TMEM117: variants seen among roughly 807,000 people sequenced by gnomAD.
TMEM117 encodes the protein transmembrane protein 117.
Under a neutral mutation model 52.4 loss-of-function variants are expected in TMEM117, and 27 were observed. The ratio of observed to expected loss-of-function variants is 0.51; its 90% confidence interval spans 0.38 to 0.71. The LOEUF is 0.71. Among genes scored for constraint, TMEM117 ranks in the 30% least tolerant of loss-of-function variants. The pLI, the probability that TMEM117 is intolerant of heterozygous loss-of-function variation, is 0.00. For synonymous variants in TMEM117, 215 were observed against 206.3 expected, an observed-to-expected ratio of 1.04 and a Z score of -0.36; for missense variants, 556 against 630.5, an observed-to-expected ratio of 0.88 and a Z score of 1.26.
At chr12:44,367,975 C>G (rs1039121987) in intron 6 of TMEM117, among the ~76,000 whole-genome samples, 2 of 152,110 alleles carry the variant, frequency 1.3e-5, no homozygotes, top group African/African-American at 4.8e-5. Context: ...TTTACCCCTC[C>G]TACAGTCAGT....
chr12:43,915,329 C>T (rs746417357), intron 2 of TMEM117, among the ~76,000 whole-genome samples: 45 of 152,254 alleles, frequency 3.0e-4, no homozygotes, highest in Admixed American at 2.7e-3. Flanking sequence ...AGGGGCAGAC[C>T]GAAGTTAACC....
intron 3 of TMEM117, among the ~76,000 whole-genome samples, chr12:44,074,936 A>G (rs555178189): frequency 2.4e-4 from 37 of 152,192 alleles, no homozygotes; most frequent in Non-Finnish European, 4.6e-4. Flanking sequence ...ACACTAATGC[A>G]TTAGTGTAAC....
the TMEM117 span, among the ~76,000 whole-genome samples, chr12:43,799,935 CA>C: frequency 6.6e-6 from 1 of 151,598 alleles, no homozygotes; most frequent in Admixed American, 6.6e-5. Flanking sequence ...GTTTTCATGT[CA>C]AAAGAAAAAA....
intron 5 of TMEM117, among the ~76,000 whole-genome samples, chr12:44,276,532 G>T (rs75159745): frequency 0.011 from 1,663 of 152,126 alleles, 35 homozygotes; most frequent in African/African-American, 0.037. Context: ...AAAAGTTTCA[G>T]TTAGGCAGGA....
chr12:43,910,594 C>T (rs149139340), intron 2 of TMEM117, among the ~76,000 whole-genome samples: 8,154 of 151,888 alleles, frequency 0.054, 239 homozygotes, highest in South Asian at 0.071. Flanking sequence ...ATCTAGAAAA[C>T]CCCGTTGTCT....
At chr12:43,929,175 T>C (rs11830410) in intron 2 of TMEM117, among the ~76,000 whole-genome samples, 7,701 of 152,110 alleles carry the variant, frequency 0.051, 209 homozygotes, top group African/African-American at 0.065. Flanking sequence ...GCCACACTGA[T>C]TTCCACAATG....
At chr12:43,899,447 C>A (rs886325927) in intron 2 of TMEM117, among the ~76,000 whole-genome samples, 24 of 152,078 alleles carry the variant, frequency 1.6e-4, no homozygotes, top group Non-Finnish European at 2.9e-5. Flanking sequence ...ATTGGTAGTT[C>A]ATATATTCAT....
chr12:43,986,810 G>C (rs986801271), intron 3 of TMEM117, among the ~76,000 whole-genome samples: 5 of 151,934 alleles, frequency 3.3e-5, no homozygotes, highest in Non-Finnish European at 7.4e-5. Flanking sequence ...GTTATCCACA[G>C]GTGTTTTCCA....
intron 5 of TMEM117, among the ~76,000 whole-genome samples, chr12:44,299,048 ATTG>A (rs2138639208): frequency 6.7e-6 from 1 of 149,192 alleles, no homozygotes; most frequent in East Asian, 2.0e-4. Context: ...CATTTTTAAT[ATTG>A]TTGTTGTTAA....
At chr12:44,176,571 T>A (rs1949119183) in intron 4 of TMEM117, among the ~76,000 whole-genome samples, 1 of 152,142 alleles carries the variant, frequency 6.6e-6, no homozygotes, top group African/African-American at 2.4e-5. Context: ...AGATAACTAT[T>A]TTTTTGCCTT....
At chr12:43,854,719 C>A (rs1423458700) in intron 2 of TMEM117, among the ~76,000 whole-genome samples, 1 of 152,046 alleles carries the variant, frequency 6.6e-6, no homozygotes, top group Non-Finnish European at 1.5e-5. Context: ...TCACTGCAAC[C>A]TCTGCCTCTC....
At chr12:44,347,370 T>A (rs1276970213) in intron 6 of TMEM117, among the ~76,000 whole-genome samples, 1 of 152,078 alleles carries the variant, frequency 6.6e-6, no homozygotes, top group Non-Finnish European at 1.5e-5. Context: ...CCAAGAATGC[T>A]CTAGGGTTGA....
In TMEM117 at chr12:44,263,078, T is replaced by C. The variant is rs1950338682; in HGVS notation, c.609-36502T>C. ...CTTTTGCTATGTCACAGACAGGCAA[T>C]GACATTTATAAGTTAACACTTTAAA... On this transcript the variant is annotated intron_variant, in intron 5 of 7. Coordinates refer to ENST00000266534, the MANE Select transcript of TMEM117 (RefSeq NM_032256.3). Among the ~76,000 whole-genome samples the C allele has an allele frequency of 2.6e-5, 4 of 152,360 alleles. No homozygotes were observed. In the South Asian group the frequency reaches 8.3e-4, roughly 32 times the overall value.
chr12:44,173,357 G>A (rs565387866), intron 4 of TMEM117, among the ~76,000 whole-genome samples: 7 of 152,046 alleles, frequency 4.6e-5, no homozygotes, highest in Non-Finnish European at 7.4e-5. Flanking sequence ...AATTATAGAC[G>A]TGAGCCACCA....
At chr12:43,838,561 A>C (rs1247144605) in intron 1 of TMEM117, among the ~76,000 whole-genome samples, 11 of 116,966 alleles carry the variant, frequency 9.4e-5, no homozygotes, top group Admixed American at 1.9e-4. Flanking sequence ...TTTTTCCCTC[A>C]CCCAGGCTGG....
intron 6 of TMEM117, among the ~76,000 whole-genome samples, chr12:44,347,586 T>G (rs759382283): frequency 3.9e-5 from 6 of 152,038 alleles, no homozygotes; most frequent in Non-Finnish European, 8.8e-5. Flanking sequence ...TTTATGAATT[T>G]TCTTATATCT....
intron 3 of TMEM117, among the ~76,000 whole-genome samples, chr12:44,096,041 A>G (rs921081481): frequency 1.3e-5 from 2 of 152,150 alleles, no homozygotes; most frequent in African/African-American, 2.4e-5. Context: ...AAATCAATGT[A>G]CAAAAATCAC....
intron 3 of TMEM117, among the ~76,000 whole-genome samples, chr12:44,035,541 TG>T (rs1946697596): frequency 6.6e-6 from 1 of 152,176 alleles, no homozygotes; most frequent in Non-Finnish European, 1.5e-5. Context: ...TGAATAAACT[TG>T]AAGCAGGAGA....
intron 3 of TMEM117, among the ~76,000 whole-genome samples, chr12:43,954,769 A>C (rs1945280976): frequency 1.3e-5 from 2 of 152,214 alleles, no homozygotes; most frequent in Admixed American, 1.3e-4. Flanking sequence ...GGAATCCTCC[A>C]TAACTCACTT....
Sources: allele counts gnomAD v4.1 joint callset (sites outside exome capture counted in the v4.1 genomes callset), GRCh38; gene constraint gnomAD v4.1.1; transcripts MANE v1.5; gene names NCBI Gene and HGNC (gene_info 2026-07-23, HGNC 2026-07-21).